RBFOX1: variants seen among roughly 807,000 people sequenced by gnomAD.
The protein encoded by RBFOX1 is RNA binding protein fox-1 homolog 1.
Under a neutral mutation model 57.7 loss-of-function variants are expected in RBFOX1, and 8 were observed. The ratio of observed to expected loss-of-function variants is 0.14; its 90% CI spans 0.08 to 0.25. The LOEUF is 0.25. RBFOX1 is among the 10% of genes least tolerant of loss of function. The probability of loss-of-function intolerance (pLI) is 1.00; values close to 1 mark genes in which losing one functional copy is unlikely to be tolerated. For missense variants in RBFOX1, 611 were observed against 548.5 expected (o/e 1.11, Z -1.14); for synonymous variants, 326 against 222.4 (o/e 1.47, Z -4.15).
At chr16:7,063,358 T>C (rs1458821455) in intron 4 of RBFOX1, among the ~76,000 whole-genome samples, 1 of 152,036 alleles carries the variant, frequency 6.6e-6, no homozygotes, top group Non-Finnish European at 1.5e-5. Context: ...GTATCAAAGA[T>C]ATATCAGTAT....
At position 5,759,599 on chromosome 16, in the gene RBFOX1, G is replaced by A. The variant is rs113351716; in HGVS notation, c.319-107704G>A. The stretch of plus-strand genomic sequence containing the variant: ...CACAGAACATGAGGTTCCTTTTGCC[G>A]CCAGTGCCAGGCATGTGCTAGATCT... On this transcript the variant is annotated intron_variant, in intron 3 of 19. Transcript: ENST00000641259. Among the ~76,000 whole-genome samples the A allele has an allele frequency of 2.8e-4, 43 of 152,088 alleles. 1 individual carries two copies. Among genetic ancestry groups the A allele is most frequent in the Non-Finnish European group, 1.3e-4 (9 of 68,032 alleles).
intron 2 of RBFOX1, among the ~76,000 whole-genome samples, chr16:6,450,790 CATATATATATGTATAT>C (rs1480998389): frequency 0.12 from 4,286 of 35,044 alleles, 677 homozygotes; most frequent in African/African-American, 0.18. Context: ...TATATATATA[CATATATATATGTATAT>C]ATATATATAT....
At chr16:5,734,035 GA>G (rs755832493) in intron 3 of RBFOX1, among the ~76,000 whole-genome samples, 5 of 152,154 alleles carry the variant, frequency 3.3e-5, no homozygotes, top group Non-Finnish European at 5.9e-5. Flanking sequence ...CATGTAATAA[GA>G]ACATGCACGA....
At chr16:5,917,640 A>C (rs1487705551) in intron 4 of RBFOX1, among the ~76,000 whole-genome samples, 1 of 152,140 alleles carries the variant, frequency 6.6e-6, no homozygotes, top group Non-Finnish European at 1.5e-5. Context: ...GGGCCCTGGG[A>C]AATGTGTCAG....
At chr16:7,543,671 G>C (rs1348050773) in intron 5 of RBFOX1, among the ~76,000 whole-genome samples, 1 of 3,012 alleles carries the variant, frequency 3.3e-4, no homozygotes, top group Admixed American at 8.4e-4. Flanking sequence ...CAGTATCTGT[G>C]TGTGTGTGTG....
intron 4 of RBFOX1, among the ~76,000 whole-genome samples, chr16:7,457,190 G>C (rs183518723): frequency 3.1e-4 from 47 of 152,026 alleles, no homozygotes; most frequent in Admixed American, 2.8e-3. Context: ...CCTGGCCTTG[G>C]GTATGCATTT....
chr16:7,422,861 A>G (rs2098555691), intron 4 of RBFOX1: 1 of 151,926 alleles, frequency 6.6e-6, no homozygotes, highest in Non-Finnish European at 1.5e-5. Flanking sequence ...TCTTTGCCAT[A>G]TTCCTGATGC....
At chr16:5,507,026 C>T (rs1227382051) in intron 2 of RBFOX1, among the ~76,000 whole-genome samples, 1 of 152,054 alleles carries the variant, frequency 6.6e-6, no homozygotes, top group Non-Finnish European at 1.5e-5. Flanking sequence ...TCATAATGGA[C>T]CCCTGGAGCT....
chr16:6,753,306 C>A (rs575873633), intron 3 of RBFOX1, among the ~76,000 whole-genome samples: 3 of 152,278 alleles, frequency 2.0e-5, no homozygotes, highest in Admixed American at 2.0e-4. Context: ...AAAATTCTTT[C>A]AGCTTTGCTG....
At chr16:6,218,380 C>T (rs903139671) in intron 1 of RBFOX1, among the ~76,000 whole-genome samples, 12 of 152,138 alleles carry the variant, frequency 7.9e-5, no homozygotes, top group African/African-American at 2.7e-4. Flanking sequence ...ACAATCTCGG[C>T]TCACTGCGAC....
intron 4 of RBFOX1, among the ~76,000 whole-genome samples, chr16:7,139,320 A>G (rs942631661): frequency 1.2e-4 from 18 of 152,114 alleles, no homozygotes; most frequent in African/African-American, 4.1e-4. Context: ...TTCAACAACC[A>G]GCTTTTGGAA....
chr16:5,777,334 A>G (rs1014796171), intron 3 of RBFOX1, among the ~76,000 whole-genome samples: 1 of 152,124 alleles, frequency 6.6e-6, no homozygotes, highest in Non-Finnish European at 1.5e-5. Flanking sequence ...TTCTGAAGGG[A>G]CCCTAGTGAT....
chr16:6,133,440 A>C (rs571565388), intron 1 of RBFOX1, among the ~76,000 whole-genome samples: 1 of 152,146 alleles, frequency 6.6e-6, no homozygotes, highest in East Asian at 1.9e-4. Flanking sequence ...TACCACTTAC[A>C]TTCCCTGCCT....
chr16:6,740,599 C>T (rs1253691816), intron 3 of RBFOX1, among the ~76,000 whole-genome samples: 1 of 152,050 alleles, frequency 6.6e-6, no homozygotes, highest in East Asian at 1.9e-4. Flanking sequence ...TTACAGTAAA[C>T]AGATAAAAGC....
At chr16:5,909,090 C>CTTTTTT (rs3041577) in intron 4 of RBFOX1, among the ~76,000 whole-genome samples, 2,192 of 116,046 alleles carry the variant, frequency 0.019, 100 homozygotes, top group East Asian at 0.03. Context: ...CTAAGCCCCC[C>CTTTTTT]TTTTTTTTTT....
intron 4 of RBFOX1, among the ~76,000 whole-genome samples, chr16:5,999,154 T>C (rs1437718307): frequency 6.6e-6 from 1 of 152,176 alleles, no homozygotes; most frequent in African/African-American, 2.4e-5. Context: ...CCTCTCTGTC[T>C]TCACTCCTTA....
At chr16:7,236,238 G>A (rs1197817056) in intron 4 of RBFOX1, among the ~76,000 whole-genome samples, 1 of 152,078 alleles carries the variant, frequency 6.6e-6, no homozygotes, top group East Asian at 1.9e-4. Context: ...ATCTGTAAAG[G>A]GAAGCCCAAG....
intron 2 of RBFOX1, among the ~76,000 whole-genome samples, chr16:5,513,171 C>G (rs954578441): frequency 1.3e-5 from 2 of 152,140 alleles, no homozygotes; most frequent in Admixed American, 6.6e-5. Context: ...CTCAGCTTCC[C>G]AAAGTGCTGG....
At chr16:5,863,906 G>A (rs954094581) in intron 3 of RBFOX1, among the ~76,000 whole-genome samples, 10 of 151,882 alleles carry the variant, frequency 6.6e-5, no homozygotes, top group Non-Finnish European at 1.2e-4. Flanking sequence ...CAATTTTTTC[G>A]TGAATTTCTT....
Sources: allele counts gnomAD v4.1 joint callset (sites outside exome capture counted in the v4.1 genomes callset), GRCh38; gene constraint gnomAD v4.1.1; transcripts MANE v1.5; gene names NCBI Gene and HGNC (gene_info 2026-07-23, HGNC 2026-07-21).